Variants in HIVEP2 observed in about 807,000 individuals in gnomAD.
HIVEP2 encodes HIVEP zinc finger 2.
In HIVEP2, 14 loss-of-function variants were observed where a neutral mutation model predicts 180.7. That is an observed-to-expected ratio of 0.08 (90% CI 0.05 to 0.12). HIVEP2 has a LOEUF of 0.12. HIVEP2 is among the 10% of genes least tolerant of loss of function. HIVEP2 has a pLI of 1.00. For synonymous variants in HIVEP2, 1,184 were observed against 1,136.4 expected (o/e 1.04, Z -0.84); for missense variants, 2,579 against 3,008.5 (o/e 0.86, Z 3.34).
intron 2 of HIVEP2, among the ~76,000 whole-genome samples, chr6:142,800,740 A>T (rs573729260): frequency 6.6e-6 from 1 of 152,150 alleles, no homozygotes; most frequent in Non-Finnish European, 1.5e-5. Context: ...AGATATTTAG[A>T]TCTATGAAAA....
At chr6:142,840,104 C>A (rs1775325685) in intron 1 of HIVEP2, among the ~76,000 whole-genome samples, 1 of 152,042 alleles carries the variant, frequency 6.6e-6, no homozygotes, top group Non-Finnish European at 1.5e-5. Flanking sequence ...CTCCAGAGTA[C>A]CCCCTTCATC....
At position 142,924,025 on chromosome 6, in the gene HIVEP2, T is replaced by A. The variant is rs550916564; in HGVS notation, c.-641+21074A>T. 5.9e-5 allele frequency among the ~76,000 whole-genome samples: 9 copies of A among 152,350 alleles called. No homozygotes were observed. The East Asian group carries it at 1.7e-3, about 29-fold the overall frequency. On this transcript the variant is annotated intron_variant, in intron 1 of 9. Transcript: ENST00000367603. Reference sequence around the variant, plus strand: ...CAGCTTTGCTAAATGTCTTCTTTTATAAATCAATAGGTCAATGAGCTTTTT... The same window carrying A: ...CAGCTTTGCTAAATGTCTTCTTTTAAAAATCAATAGGTCAATGAGCTTTTT...
chr6:142,765,494 C>T (rs1037251700), intron 6 of HIVEP2, among the ~76,000 whole-genome samples: 15 of 152,142 alleles, frequency 9.9e-5, no homozygotes, highest in African/African-American at 1.7e-4. Flanking sequence ...AATCCTGGCA[C>T]GAGAGTGCCT....
intron 1 of HIVEP2, among the ~76,000 whole-genome samples, chr6:142,850,807 C>G (rs1775649777): frequency 6.6e-6 from 1 of 152,230 alleles, no homozygotes; most frequent in Admixed American, 6.5e-5. Context: ...GCTCCTAGCA[C>G]ATAATGACTA....
intron 2 of HIVEP2, among the ~76,000 whole-genome samples, chr6:142,831,445 C>G (rs563286865): frequency 3.2e-4 from 49 of 152,240 alleles, no homozygotes; most frequent in Middle Eastern, 3.4e-3. Context: ...GGGCCCAGCC[C>G]GACCCATCTC....
intron 1 of HIVEP2, among the ~76,000 whole-genome samples, chr6:142,894,493 T>C (rs140444188): frequency 6.6e-6 from 1 of 152,168 alleles, no homozygotes; most frequent in African/African-American, 2.4e-5. Context: ...GATCCATAAA[T>C]TAAACTGAAT....
chr6:142,834,780 T>C (rs1775182564), intron 2 of HIVEP2, among the ~76,000 whole-genome samples: 1 of 152,072 alleles, frequency 6.6e-6, no homozygotes, highest in South Asian at 2.1e-4. Context: ...TACCAATTTG[T>C]GGTGGGAGGA....
chr6:142,774,032 C>T lies in HIVEP2; in HGVS notation c.707G>A (p.Arg236Lys). Residue 236 changes from arginine (R) to lysine (K), a missense_variant, in exon 5 of 10, where the codon AGG (arginine) becomes AAG (lysine). Arg to Lys is a conservative substitution (Grantham distance 26). This residue lies in a region of HIVEP2 where 26 missense variants were observed against 76.9 expected (regional missense o/e 0.34). Coordinates refer to ENST00000367603, the MANE Select transcript of HIVEP2 (RefSeq NM_006734.4). This position sits in a 1 kb window ranked among gnomAD's most constrained non-coding sequence, Gnocchi z 5.1. ...FKTKSNLYKH[R>K]KSHAHAIKAG... ...CTTAATTGCATGGGCATGTGACTTC[C>T]TGTGCTTGTACAAATTGCTCTTTGT... is the stretch of plus-strand genomic sequence containing the variant. 6.2e-7 allele frequency: 1 copy of T among 1,614,248 alleles called. No homozygotes were observed. The highest frequency in any genetic ancestry group is 8.5e-7 in the Non-Finnish European group (1 of 1,180,050).
intron 2 of HIVEP2, among the ~76,000 whole-genome samples, chr6:142,796,529 T>C (rs1270606618): frequency 6.6e-6 from 1 of 152,158 alleles, no homozygotes; most frequent in African/African-American, 2.4e-5. Context: ...GTACTGTATT[T>C]ATTGATCCCA....
intron 7 of HIVEP2, 37 bp from the exon 8 acceptor site, chr6:142,761,602 G>T: frequency 5.2e-6 from 6 of 1,147,810 alleles, no homozygotes; most frequent in Non-Finnish European, 7.9e-6. Flanking sequence ...GAAATTAATT[G>T]GTTATCAAAT....
At chr6:142,815,778 T>C (rs1189546573) in intron 2 of HIVEP2, among the ~76,000 whole-genome samples, 1 of 152,252 alleles carries the variant, frequency 6.6e-6, no homozygotes, top group Non-Finnish European at 1.5e-5. Context: ...AGAGTCTTTC[T>C]TGAATCACAA....
intron 1 of HIVEP2, among the ~76,000 whole-genome samples, chr6:142,937,725 C>T (rs1778089210): frequency 6.6e-6 from 1 of 152,140 alleles, no homozygotes; most frequent in African/African-American, 2.4e-5. Flanking sequence ...TTTTCGGAGC[C>T]AAAGAACCCT....
intron 7 of HIVEP2, among the ~76,000 whole-genome samples, chr6:142,762,354 A>G (rs540082667): frequency 3.9e-5 from 6 of 152,248 alleles, no homozygotes; most frequent in South Asian, 2.1e-4. Context: ...ATGTGTGGAT[A>G]TAAATTATAT....
chr6:142,856,646 C>T (rs1299645369), intron 1 of HIVEP2, among the ~76,000 whole-genome samples: 3 of 152,342 alleles, frequency 2.0e-5, no homozygotes, highest in South Asian at 4.1e-4. Flanking sequence ...CTGATACAAA[C>T]AGACAAGCGT....
At chr6:142,890,021 T>C (rs1025405324) in intron 1 of HIVEP2, among the ~76,000 whole-genome samples, 1 of 152,184 alleles carries the variant, frequency 6.6e-6, no homozygotes, top group African/African-American at 2.4e-5. Flanking sequence ...CCTTTAAGTG[T>C]CTATCATTTC....
intron 2 of HIVEP2, among the ~76,000 whole-genome samples, chr6:142,802,437 C>A (rs567655535): frequency 2.0e-4 from 30 of 152,184 alleles, no homozygotes; most frequent in African/African-American, 7.2e-4. Context: ...CCAGTCTCTG[C>A]CACCCTCATA....
chr6:142,847,045 A>G (rs1454732981), intron 1 of HIVEP2, among the ~76,000 whole-genome samples: 1 of 152,168 alleles, frequency 6.6e-6, no homozygotes, highest in African/African-American at 2.4e-5. Flanking sequence ...TTTCAGAGGA[A>G]ATGAATATGA....
In HIVEP2 at chr6:142,770,389, G is replaced by A. The variant is rs1775496278; in HGVS notation, c.4350C>T (p.Leu1450=). 3 of 1,614,014 alleles carry A rather than the reference G, an allele frequency of 1.9e-6. No homozygotes were observed. The highest frequency in any genetic ancestry group is 1.1e-5 in the South Asian group (1 of 91,084). The part of the protein sequence containing the change: ...RMLSPASSLE[L]FMETKQQKRV... The stretch of plus-strand genomic sequence containing the variant: ...TTTTCTGCTGCTTGGTTTCCATGAA[G>A]AGCTCCAAGCTACTGGCTGGAGAAA... Residue 1450 remains leucine (L), a synonymous_variant, in exon 5 of 10, where the codon CTC becomes CTT. Transcript: ENST00000367603. This position sits in a 1 kb window ranked among gnomAD's most constrained non-coding sequence, Gnocchi z 4.7.
intron 2 of HIVEP2, among the ~76,000 whole-genome samples, chr6:142,813,573 G>GTT (rs1197621182): frequency 1.4e-4 from 18 of 131,270 alleles, no homozygotes; most frequent in Non-Finnish European, 1.8e-4. Flanking sequence ...TCAGTTCAGA[G>GTT]TTTTTTTTTT....
Sources: allele counts gnomAD v4.1 joint callset (sites outside exome capture counted in the v4.1 genomes callset), GRCh38; gene constraint gnomAD v4.1.1; regional missense constraint gnomAD v4.1.1; non-coding constraint Gnocchi (gnomAD v3.1); transcripts MANE v1.5; gene names NCBI Gene and HGNC (gene_info 2026-07-23, HGNC 2026-07-21).